MARCHF6: variants seen among roughly 807,000 people sequenced by gnomAD.
MARCHF6 encodes membrane associated ring-CH-type finger 6.
A neutral mutation model predicts 133.7 loss-of-function variants in MARCHF6; 31 were observed. That is an observed-to-expected ratio of 0.23 (90% CI 0.17 to 0.31). The LOEUF (loss-of-function observed/expected upper bound fraction) is 0.31. Ranked by LOEUF, MARCHF6 falls within the 10% of genes least tolerant of loss-of-function variation. The probability of loss-of-function intolerance (pLI) is 1.00; values close to 1 mark genes in which losing one functional copy is unlikely to be tolerated. For missense variants in MARCHF6, 723 were observed against 1,121.6 expected (o/e 0.64, Z 5.08); for synonymous variants, 395 against 402.5 (o/e 0.98, Z 0.22).
chr5:10,364,834 G>A (rs1049286132), intron 1 of MARCHF6, among the ~76,000 whole-genome samples: 1 of 152,114 alleles, frequency 6.6e-6, no homozygotes, highest in Non-Finnish European at 1.5e-5. Flanking sequence ...ATGGAGTTTC[G>A]CTCTTGTCGC....
intron 1 of MARCHF6, among the ~76,000 whole-genome samples, chr5:10,366,418 CAT>C (rs1361745630): frequency 6.6e-6 from 1 of 152,098 alleles, no homozygotes; most frequent in African/African-American, 2.4e-5. Context: ...ACATATTAAA[CAT>C]TCCTTGTTTA....
At chr5:10,364,600 A>G (rs141698480) in intron 1 of MARCHF6, among the ~76,000 whole-genome samples, 15 of 152,312 alleles carry the variant, frequency 9.8e-5, no homozygotes, top group Middle Eastern at 3.4e-3. Flanking sequence ...AAGGGGATAC[A>G]TGGATAACTA....
At chr5:10,392,688 A>T (rs1161915734) in intron 7 of MARCHF6, among the ~76,000 whole-genome samples, 2 of 151,754 alleles carry the variant, frequency 1.3e-5, no homozygotes, top group African/African-American at 4.8e-5. Flanking sequence ...CAGGAGGCAG[A>T]GGTTGCAGGG....
At chr5:10,402,165 T>G in intron 12 of MARCHF6, 26 bp downstream of exon 12, 2 of 1,374,664 alleles carry the variant, frequency 1.5e-6, no homozygotes, top group Non-Finnish European at 1.0e-6. Context: ...CCAACTTGGG[T>G]GTACACTAAT....
intron 25 of MARCHF6, 100 bp from the exon 26 acceptor site, chr5:10,433,494 A>G (rs892166589): frequency 6.9e-6 from 6 of 867,810 alleles, no homozygotes; most frequent in Non-Finnish European, 5.7e-6. Flanking sequence ...TTGCCCAACC[A>G]TTGACGAGTT....
At chr5:10,377,407 G>A (rs1044967951) in intron 1 of MARCHF6, among the ~76,000 whole-genome samples, 3 of 152,192 alleles carry the variant, frequency 2.0e-5, no homozygotes, top group African/African-American at 7.2e-5. Flanking sequence ...AGTTTAGGCT[G>A]TTAGGACTTT....
At chr5:10,378,859 A>G (rs909280286) in intron 3 of MARCHF6, 27 bp downstream of exon 3, 34 of 1,523,708 alleles carry the variant, frequency 2.2e-5, no homozygotes, top group Admixed American at 1.2e-4. Flanking sequence ...TTTTCACTGC[A>G]TTTTTTTTGG....
At chr5:10,417,458 A>G in intron 22 of MARCHF6, 54 bp downstream of exon 22, 1 of 1,607,518 alleles carries the variant, frequency 6.2e-7, no homozygotes, top group Non-Finnish European at 8.5e-7. Context: ...AGATCAGAAA[A>G]TAATCCTAGC....
At chr5:10,424,072 A>G (rs1452471870) in intron 23 of MARCHF6, among the ~76,000 whole-genome samples, 3 of 152,164 alleles carry the variant, frequency 2.0e-5, no homozygotes, top group African/African-American at 7.2e-5. Flanking sequence ...AAAAGACAAC[A>G]GAAAAACAAA....
At position 10,402,415 on chromosome 5, in the gene MARCHF6, C is replaced by T. The variant is rs777544091; in HGVS notation, c.1085C>T (p.Ser362Phe). The change falls in exon 13 of 26, where the codon TCT becomes TTT. Residue 362 changes from serine to phenylalanine, a missense_variant. Physicochemically the swap from Ser to Phe is radical, Grantham distance 155. Around this residue, in one of 4 missense-constraint regions of MARCHF6, gnomAD observed 492 missense variants for 699.5 expected, o/e 0.70. Transcript: ENST00000274140. The stretch of plus-strand genomic sequence containing the variant: ...GCAACTCTTGTGAAATTTCATAGAT[C>T]TCGTCGCTTACTGGGAGTCTGCTAT... ...GLATLVKFHR[S>F]RRLLGVCYIV... 6.2e-7 allele frequency: 1 copy of T among 1,613,950 alleles called. No individual in the cohort carries two copies. Among genetic ancestry groups the T allele is most frequent in the Non-Finnish European group, 8.5e-7 (1 of 1,179,902 alleles).
At chr5:10,407,262 C>A (rs1357916343) in intron 17 of MARCHF6, 60 bp downstream of exon 17, 1 of 818,728 alleles carries the variant, frequency 1.2e-6, no homozygotes, top group Non-Finnish European at 1.9e-6. Context: ...ATTTGATGTT[C>A]AGATTACATT....
At position 10,371,605 on chromosome 5, in the gene MARCHF6, C is replaced by G. The variant is rs561751113; in HGVS notation, c.20-6193C>G. Among the ~76,000 whole-genome samples, 14 of 152,210 alleles carry G rather than the reference C, an allele frequency of 9.2e-5. No homozygotes were observed. In the South Asian group the frequency reaches 1.2e-3, roughly 14 times the overall value. ...ACGAGAACAGCATTGCAAAGACTTG[C>G]CCCCATGATTCAATTACCTGGGTCC... On this transcript the variant is annotated intron_variant, in intron 1 of 25. Coordinates refer to ENST00000274140, the MANE Select transcript of MARCHF6 (RefSeq NM_005885.4).
At chr5:10,386,878 T>G in intron 4 of MARCHF6, 116 bp from the exon 5 acceptor site, 1 of 737,588 alleles carries the variant, frequency 1.4e-6, no homozygotes. Context: ...TTGTAAAGAC[T>G]AAATGTTTAT....
chr5:10,390,937 A>G (rs1206159326), intron 6 of MARCHF6, among the ~76,000 whole-genome samples: 2 of 152,198 alleles, frequency 1.3e-5, no homozygotes, highest in South Asian at 2.1e-4. Context: ...AGATTTGTTA[A>G]CCATTTTCTA....
chr5:10,429,601 A>T (rs748636747), intron 24 of MARCHF6, among the ~76,000 whole-genome samples: 3 of 152,142 alleles, frequency 2.0e-5, no homozygotes, highest in Non-Finnish European at 4.4e-5. Flanking sequence ...GGGTTTTACC[A>T]TGTTGGCCAG....
chr5:10,415,610 G>T lies in MARCHF6; in HGVS notation c.2089G>T (p.Ala697Ser), dbSNP rs1274153495. The change falls in exon 21 of 26, where the codon GCA becomes TCA. Residue 697 changes from alanine to serine, a missense_variant. By Grantham distance (99) the Ala-to-Ser change is moderately conservative (BLOSUM62 1). This residue lies in a region of MARCHF6 where 492 missense variants were observed against 699.5 expected (regional missense o/e 0.70). Transcript: ENST00000274140. The stretch of plus-strand genomic sequence containing the variant: ...CATAAGGGCTGTGACGGTGATGGTG[G>T]CATGGATGCCTCAGGGACGCAGAGT... ...LTIRAVTVMVAWMPQGRRVIF... is the reference protein window; with the variant it reads ...LTIRAVTVMVSWMPQGRRVIF... 6.2e-7 allele frequency: 1 copy of T among 1,614,178 alleles called. No homozygotes were observed. The highest frequency in any genetic ancestry group is 8.5e-7 in the Non-Finnish European group (1 of 1,180,030).
intron 1 of MARCHF6, among the ~76,000 whole-genome samples, chr5:10,377,584 A>G (rs1736867780): frequency 6.6e-6 from 1 of 152,244 alleles, no homozygotes; most frequent in South Asian, 2.1e-4. Flanking sequence ...ACGAAGGAAC[A>G]ACTTAACTTT....
At chr5:10,363,747 T>G (rs1054960342) in intron 1 of MARCHF6, among the ~76,000 whole-genome samples, 4 of 152,246 alleles carry the variant, frequency 2.6e-5, no homozygotes, top group African/African-American at 9.6e-5. Context: ...TGTGATCTAT[T>G]TGTAAAATAG....
chr5:10,358,710 GA>G (rs959138501), intron 1 of MARCHF6, among the ~76,000 whole-genome samples: 2 of 152,022 alleles, frequency 1.3e-5, no homozygotes, highest in Admixed American at 1.3e-4. Context: ...GCAGCAATTT[GA>G]AAAAACTTGC....
Sources: allele counts gnomAD v4.1 joint callset (sites outside exome capture counted in the v4.1 genomes callset), GRCh38; gene constraint gnomAD v4.1.1; regional missense constraint gnomAD v4.1.1; transcripts MANE v1.5; gene names NCBI Gene and HGNC (gene_info 2026-07-23, HGNC 2026-07-21).